RNF10: variants seen among roughly 807,000 people sequenced by gnomAD.
RNF10 encodes E3 ubiquitin-protein ligase RNF10.
A neutral mutation model predicts 91.4 loss-of-function variants in RNF10; 38 were observed. The observed-to-expected ratio is 0.42, with a 90% CI of 0.32 to 0.54. The LOEUF (loss-of-function observed/expected upper bound fraction) is 0.54. RNF10 is among the 20% of genes least tolerant of loss of function. The pLI is 0.16. For missense variants in RNF10, 945 were observed against 1,012.0 expected, an observed-to-expected ratio of 0.93 and a Z score of 0.90; for synonymous variants, 364 against 366.3, an observed-to-expected ratio of 0.99 and a Z score of 0.07.
chr12:120,555,283 G>A (rs1448153450), intron 4 of RNF10, among the ~76,000 whole-genome samples: 2 of 152,144 alleles, frequency 1.3e-5, no homozygotes, highest in East Asian at 3.9e-4. Context: ...CAGGGTTCAA[G>A]CAATTCTCAT....
chr12:120,548,051 A>G (rs958938010), intron 2 of RNF10, among the ~76,000 whole-genome samples: 6 of 152,226 alleles, frequency 3.9e-5, no homozygotes, highest in African/African-American at 1.4e-4. Context: ...TGTTTTTGGC[A>G]TAAGCCCAAT....
chr12:120,550,192 A>G (rs1872842174), intron 2 of RNF10, among the ~76,000 whole-genome samples: 1 of 152,200 alleles, frequency 6.6e-6, no homozygotes, highest in Non-Finnish European at 1.5e-5. Flanking sequence ...CTTAGTAGCT[A>G]CATGTAGCTA....
chr12:120,560,494 T>TA (rs1345666781), intron 6 of RNF10, among the ~76,000 whole-genome samples: 1 of 152,162 alleles, frequency 6.6e-6, no homozygotes, highest in African/African-American at 2.4e-5. Context: ...GCTGTAACAA[T>TA]AAACGCGTGA....
intron 7 of RNF10, among the ~76,000 whole-genome samples, chr12:120,562,267 CTTTCTTTTTT>C (rs1242158930): frequency 8.8e-5 from 9 of 102,182 alleles, no homozygotes; most frequent in Non-Finnish European, 1.6e-4. Context: ...CTTTTTCTTT[CTTTCTTTTTT>C]TTTTTTTTTT....
At chr12:120,563,158 CAAGAG>C (rs1301755773) in intron 8 of RNF10, 88 bp downstream of exon 8, 7 of 1,579,230 alleles carry the variant, frequency 4.4e-6, no homozygotes, top group Non-Finnish European at 6.1e-6. Context: ...TAAACCTTCT[CAAGAG>C]AAGAGGGGAC....
chr12:120,555,542 C>A (rs147753889), intron 4 of RNF10, among the ~76,000 whole-genome samples: 1 of 149,738 alleles, frequency 6.7e-6, no homozygotes, highest in South Asian at 2.1e-4. Flanking sequence ...GGCTGGAGTA[C>A]AGTGGTGCAA....
At chr12:120,545,076 A>G (rs1443339272) in intron 1 of RNF10, among the ~76,000 whole-genome samples, 1 of 152,248 alleles carries the variant, frequency 6.6e-6, no homozygotes, top group Non-Finnish European at 1.5e-5. Context: ...AAAGGAAAAC[A>G]CTGTTAATGA....
intron 3 of RNF10, chr12:120,553,927 CAG>C (rs1873574350): frequency 7.3e-6 from 1 of 137,542 alleles, no homozygotes; most frequent in Non-Finnish European, 1.5e-5. Flanking sequence ...TTTTTGGTGA[CAG>C]AGTCTCCCTC....
chr12:120,561,016 T>G (rs1565961904), intron 7 of RNF10, 130 bp downstream of exon 7: 1 of 921,540 alleles, frequency 1.1e-6, no homozygotes, highest in Non-Finnish European at 1.6e-6. Flanking sequence ...GTTAGTTCCA[T>G]TCCACATTTA....
At position 120,557,344 on chromosome 12, in the gene RNF10, G is replaced by A; in HGVS notation, c.708G>A (p.Lys236=). The change falls in exon 5 of 17, where the codon AAG becomes AAA. Residue 236 remains lysine (K), a synonymous_variant. Transcript: ENST00000325954. The stretch of plus-strand genomic sequence containing the variant: ...GCCTCTATCCACCTACTGCAGCCAA[G>A]ATAACCCGTTGTGGACACATCTTCT... ...PICLYPPTAA[K]ITRCGHIFCW... 6.2e-7 allele frequency: 1 copy of A among 1,614,166 alleles called. No individual in the cohort carries two copies. The highest frequency in any genetic ancestry group is 8.5e-7 in the Non-Finnish European group (1 of 1,180,032).
chr12:120,547,183 A>C (rs1872468268), intron 2 of RNF10, among the ~76,000 whole-genome samples: 1 of 152,190 alleles, frequency 6.6e-6, no homozygotes, highest in Non-Finnish European at 1.5e-5. Context: ...GAGGGAAGTA[A>C]AGGGATAGAG....
At chr12:120,557,857 G>A (rs961240067) in intron 6 of RNF10, among the ~76,000 whole-genome samples, 175 bp downstream of exon 6, 1 of 152,148 alleles carries the variant, frequency 6.6e-6, no homozygotes, top group African/African-American at 2.4e-5. Flanking sequence ...TTAATTATTG[G>A]TTTCAAGTTT....
intron 1 of RNF10, among the ~76,000 whole-genome samples, chr12:120,543,975 C>T (rs973735750): frequency 6.6e-6 from 1 of 152,056 alleles, no homozygotes; most frequent in Non-Finnish European, 1.5e-5. Flanking sequence ...TGCCTGTAAT[C>T]CCAGTACTTT....
At chr12:120,545,846 T>G (rs1459245035) in intron 1 of RNF10, among the ~76,000 whole-genome samples, 1 of 152,252 alleles carries the variant, frequency 6.6e-6, no homozygotes, top group Non-Finnish European at 1.5e-5. Flanking sequence ...GCCCCCAGTA[T>G]GCTTTTAGAG....
rs746454365 is a variant in RNF10, at chr12:120,563,486, A to G, written c.1394A>G (p.Glu465Gly). The G allele has an allele frequency of 6.2e-7, 1 of 1,614,168 alleles. No individual in the cohort carries two copies. Among genetic ancestry groups the G allele is most frequent in the Non-Finnish European group, 8.5e-7 (1 of 1,180,032 alleles). ...GAACCAGAGCCTGAGGGGTTGCCAG[A>G]GGCCTGTGATGACTTGGAGTTAGCA... Reference protein sequence around the residue: ...VSEPEPEGLPEACDDLELADD... With the variant: ...VSEPEPEGLPGACDDLELADD... Residue 465 changes from glutamate (E) to glycine (G), a missense_variant, in exon 9 of 17, where the codon GAG becomes GGG. Glu to Gly is a moderately conservative substitution (Grantham distance 98, BLOSUM62 -2). Transcript: ENST00000325954.
At chr12:120,573,521 A>G (rs1876962889) in intron 14 of RNF10, among the ~76,000 whole-genome samples, 1 of 151,802 alleles carries the variant, frequency 6.6e-6, no homozygotes, top group Admixed American at 6.6e-5. Flanking sequence ...ATGTCAAACT[A>G]TTTGGATACT....
intron 2 of RNF10, among the ~76,000 whole-genome samples, chr12:120,548,861 G>A (rs1240993086): frequency 2.6e-5 from 4 of 151,744 alleles, no homozygotes; most frequent in South Asian, 4.2e-4. Context: ...TAGTAGAGAC[G>A]GGGTTTCACC....
intron 1 of RNF10, among the ~76,000 whole-genome samples, chr12:120,545,098 G>T (rs1331300942): frequency 1.3e-5 from 2 of 152,244 alleles, no homozygotes; most frequent in Non-Finnish European, 2.9e-5. Flanking sequence ...TTAGTGCTCT[G>T]TGGGTACTGG....
intron 14 of RNF10, among the ~76,000 whole-genome samples, chr12:120,574,102 G>T (rs962124724): frequency 7.2e-5 from 11 of 152,216 alleles, no homozygotes; most frequent in Admixed American, 2.6e-4. Flanking sequence ...TGAGGCTTGG[G>T]AGGGTCAAAT....
Sources: allele counts gnomAD v4.1 joint callset (sites outside exome capture counted in the v4.1 genomes callset), GRCh38; gene constraint gnomAD v4.1.1; transcripts MANE v1.5; gene names NCBI Gene and HGNC (gene_info 2026-07-23, HGNC 2026-07-21).